The following OPRPN variants were observed in gnomAD, a reference collection of about 807,000 sequenced individuals.
OPRPN encodes opiorphin prepropeptide.
Under a neutral mutation model 2.2 loss-of-function variants are expected in OPRPN, and 1 was observed. That is an observed-to-expected ratio of 0.45 (90% CI 0.16 to 2.15). OPRPN has a LOEUF of 2.15. Among genes scored for constraint, OPRPN ranks in the 30% most tolerant of loss-of-function variants. The probability of loss-of-function intolerance (pLI) is 0.28; values close to 1 mark genes in which losing one functional copy is unlikely to be tolerated. For missense variants in OPRPN, 306 were observed against 297.3 expected (o/e 1.03, Z -0.21); for synonymous variants, 126 against 111.5 (o/e 1.13, Z -0.82).
chr4:70,408,414 C>A (rs189200503), intron 2 of OPRPN, among the ~76,000 whole-genome samples: 2 of 152,258 alleles, frequency 1.3e-5, no homozygotes, highest in Admixed American at 6.5e-5. Flanking sequence ...CAAATGCCAT[C>A]TTCTCTACAT....
Position 70,410,149 on chromosome 4 carries a change from C to A in OPRPN, c.*74C>A, listed in dbSNP as rs1733196838. The A allele has an allele frequency of 1.7e-6, 2 of 1,171,736 alleles. No homozygotes were observed. Among genetic ancestry groups the A allele is most frequent in the Non-Finnish European group, 2.4e-6 (2 of 844,006 alleles). The allele number at this position is 1,171,736 out of a possible 1,614,324, so 72.6% of individuals were successfully genotyped here. On this transcript the variant is annotated 3_prime_UTR_variant, in exon 3 of 3. Coordinates refer to ENST00000399575, the MANE Select transcript of OPRPN (RefSeq NM_021225.5). ...ATAAACTGCAATGATTTTGATGGAA[C>A]CAACCCTGATCTAACCAGCACACTA...
At chr4:70,400,171 A>G (rs1732944439) in intron 2 of OPRPN, among the ~76,000 whole-genome samples, 1 of 151,916 alleles carries the variant, frequency 6.6e-6, no homozygotes, top group Non-Finnish European at 1.5e-5. Context: ...AATTACTGAT[A>G]ATCCACTGTG....
At chr4:70,409,352 T>C in intron 2 of OPRPN, 28 bp from the exon 3 acceptor site, 1 of 1,537,108 alleles carries the variant, frequency 6.5e-7, no homozygotes, top group Non-Finnish European at 8.8e-7. Flanking sequence ...AGAAATTTTG[T>C]TTTTTACCTT....
chr4:70,407,943 C>T (rs1733128158), intron 2 of OPRPN, among the ~76,000 whole-genome samples: 2 of 152,130 alleles, frequency 1.3e-5, no homozygotes, highest in Non-Finnish European at 1.5e-5. Flanking sequence ...GCAAGATCAT[C>T]TTCTGATGGG....
intron 2 of OPRPN, among the ~76,000 whole-genome samples, chr4:70,402,941 C>T (rs1733013872): frequency 6.6e-6 from 1 of 151,960 alleles, no homozygotes; most frequent in African/African-American, 2.4e-5. Context: ...GTCTCATGGG[C>T]TTTTGCAGAG....
chr4:70,398,778 T>C (rs1430063833), intron 1 of OPRPN, among the ~76,000 whole-genome samples: 1 of 151,920 alleles, frequency 6.6e-6, no homozygotes, highest in African/African-American at 2.4e-5. Flanking sequence ...ACACATTACA[T>C]GGTTTCTTTT....
At position 70,409,568 on chromosome 4, in the gene OPRPN, A is replaced by G. The variant is rs375271059; in HGVS notation, c.240A>G (p.Gln80=). 9 of 1,613,864 alleles carry G rather than the reference A, an allele frequency of 5.6e-6. No homozygotes were observed. The highest frequency in any genetic ancestry group is 6.8e-6 in the Non-Finnish European group (8 of 1,179,914). ...CATCTTCTTTCTCTCGATTTAGCCA[A>G]GCAGTCATTCTATCTCAACTCTTTC... ...VPPSSFSRFS[Q]AVILSQLFPL... is the part of the protein sequence containing the mutation. The change falls in exon 3 of 3, where the codon CAA becomes CAG. Residue 80 remains glutamine (Q), a synonymous_variant. Coordinates refer to ENST00000399575, the MANE Select transcript of OPRPN (RefSeq NM_021225.5).
chr4:70,400,665 T>G (rs1732957826), intron 2 of OPRPN, among the ~76,000 whole-genome samples: 1 of 151,956 alleles, frequency 6.6e-6, no homozygotes, highest in African/African-American at 2.4e-5. Context: ...CTCAAGCTAT[T>G]ATGTTATAAT....
rs566748142 is a variant in OPRPN at position 70,407,811 on chromosome 4, G to A, written c.52-1569G>A. On this transcript the variant is annotated intron_variant, in intron 2 of 2. Transcript: ENST00000399575. ...AGAGAAGATGTAGATATAAAACACA[G>A]GTGAAGAGACTGGTCTTAAACAGGA... 8.5e-5 allele frequency among the ~76,000 whole-genome samples: 13 copies of A among 152,260 alleles called. No homozygotes were observed. In the East Asian group the frequency reaches 2.5e-3, roughly 29 times the overall value.
chr4:70,406,230 C>A (rs1179650983), intron 2 of OPRPN, among the ~76,000 whole-genome samples: 1 of 152,120 alleles, frequency 6.6e-6, no homozygotes, highest in East Asian at 1.9e-4. Flanking sequence ...AACAAAGATA[C>A]CTAACTTACT....
At chr4:70,399,385 T>A (rs1473021089) in intron 2 of OPRPN, 49 bp downstream of exon 2, 2 of 1,481,016 alleles carry the variant, frequency 1.4e-6, no homozygotes, top group African/African-American at 1.4e-5. Context: ...TTGTTAATCA[T>A]GATTTCAAAG....
At chr4:70,404,685 C>T (rs546919205) in intron 2 of OPRPN, among the ~76,000 whole-genome samples, 1 of 152,278 alleles carries the variant, frequency 6.6e-6, no homozygotes, top group South Asian at 2.1e-4. Context: ...CCATATCATT[C>T]CTTTGTTCAA....
chr4:70,400,140 C>T (rs896351286), intron 2 of OPRPN, among the ~76,000 whole-genome samples: 5 of 151,860 alleles, frequency 3.3e-5, no homozygotes, highest in Non-Finnish European at 5.9e-5. Context: ...AGAAAGAGCC[C>T]TATTTATCTC....
chr4:70,404,214 A>G (rs576047302), intron 2 of OPRPN, among the ~76,000 whole-genome samples: 1 of 152,270 alleles, frequency 6.6e-6, no homozygotes, highest in African/African-American at 2.4e-5. Context: ...TCTAAATTGT[A>G]TTTGACATGA....
intron 2 of OPRPN, among the ~76,000 whole-genome samples, chr4:70,407,795 G>A (rs1044894010): frequency 1.3e-4 from 20 of 152,192 alleles, no homozygotes; most frequent in African/African-American, 4.6e-4. Flanking sequence ...CAGAGAAGAT[G>A]TAGATATAAA....
chr4:70,399,290 A>C lies in OPRPN; in HGVS notation c.5A>C (p.Lys2Thr). 1 of 1,602,694 alleles carries C rather than the reference A, an allele frequency of 6.2e-7. No homozygotes were observed. Among genetic ancestry groups the C allele is most frequent in the Non-Finnish European group, 8.5e-7 (1 of 1,171,450 alleles). Residue 2 changes from lysine (K) to threonine (T), a missense_variant, in exon 2 of 3, where the codon AAA becomes ACA. Coordinates refer to ENST00000399575, the MANE Select transcript of OPRPN (RefSeq NM_021225.5). Reference protein sequence around the residue: MKLTFFLGLLAL... With the variant: MTLTFFLGLLAL... ...TTGTAGGAGCAACTTTAAAGAATGA[A>C]ATTAACTTTCTTCTTGGGCCTGTTG...
chr4:70,409,659 C>T lies in OPRPN; in HGVS notation c.331C>T (p.Pro111Ser), dbSNP rs767223894. 97 of 1,613,998 alleles carry T rather than the reference C, an allele frequency of 6.0e-5. No individual in the cohort carries two copies. In the South Asian group the frequency reaches 8.7e-4, roughly 14 times the overall value. Residue 111 changes from proline to serine, a missense_variant, in exon 3 of 3, where the codon CCT becomes TCT. By Grantham distance (74) the Pro-to-Ser change is moderately conservative (BLOSUM62 -1). Coordinates refer to ENST00000399575, the MANE Select transcript of OPRPN (RefSeq NM_021225.5). ...GYPNLHFPLR[P>S]YYVGPIRILK... The stretch of plus-strand genomic sequence containing the variant: ...TCCAAACCTACATTTCCCACTAAGA[C>T]CTTACTATGTAGGACCTATTAGGAT...
chr4:70,399,759 A>G (rs978994152), intron 2 of OPRPN, among the ~76,000 whole-genome samples: 2 of 152,046 alleles, frequency 1.3e-5, no homozygotes, highest in African/African-American at 4.8e-5. Context: ...TGATATATCA[A>G]TGCAAGGATT....
intron 2 of OPRPN, among the ~76,000 whole-genome samples, chr4:70,406,866 C>T (rs1012231355): frequency 5.3e-5 from 8 of 152,062 alleles, no homozygotes; most frequent in Non-Finnish European, 1.2e-4. Context: ...GCATTGACTT[C>T]CTTTTTCCTT....
Sources: allele counts gnomAD v4.1 joint callset (sites outside exome capture counted in the v4.1 genomes callset), GRCh38; gene constraint gnomAD v4.1.1; transcripts MANE v1.5; gene names NCBI Gene and HGNC (gene_info 2026-07-23, HGNC 2026-07-21).